ABHD17C: variants seen among roughly 807,000 people sequenced by gnomAD.
ABHD17C encodes alpha/beta hydrolase domain-containing protein 17C.
A neutral mutation model predicts 27.9 loss-of-function variants in ABHD17C; 11 were observed. That is an observed-to-expected ratio of 0.39 (90% CI 0.25 to 0.65). The LOEUF is 0.65. Ranked by LOEUF, ABHD17C falls within the 30% of genes least tolerant of loss-of-function variation. The probability of loss-of-function intolerance (pLI) is 0.45; values close to 1 mark genes in which losing one functional copy is unlikely to be tolerated. For missense variants in ABHD17C, 280 were observed against 470.2 expected (o/e 0.60, Z 3.74); for synonymous variants, 233 against 209.1 (o/e 1.11, Z -0.98).
chr15:80,746,435 G>T (rs1375247314), intron 1 of ABHD17C, among the ~76,000 whole-genome samples: 1 of 151,388 alleles, frequency 6.6e-6, no homozygotes, highest in Non-Finnish European at 1.5e-5. Flanking sequence ...AATACTTTCT[G>T]TCTTTTTTTT....
intron 1 of ABHD17C, among the ~76,000 whole-genome samples, chr15:80,700,045 T>C (rs1894550177): frequency 1.3e-5 from 2 of 152,224 alleles, no homozygotes; most frequent in Admixed American, 6.5e-5. Context: ...TATTGGAGTG[T>C]ATTGTTGTCA....
At chr15:80,725,568 A>C (rs1401866350) in intron 1 of ABHD17C, among the ~76,000 whole-genome samples, 1 of 152,180 alleles carries the variant, frequency 6.6e-6, no homozygotes, top group East Asian at 1.9e-4. Flanking sequence ...GATGGAGTTC[A>C]GTAGCATGAT....
intron 1 of ABHD17C, among the ~76,000 whole-genome samples, chr15:80,723,138 A>ATATGTGTGTGTGTGTG (rs58011508): frequency 5.6e-5 from 7 of 124,936 alleles, no homozygotes; most frequent in Admixed American, 3.7e-4. Context: ...GTGTGTATAT[A>ATATGTGTGTGTGTGTG]TGTGTGTGTG....
At chr15:80,719,021 C>G (rs995017515) in intron 1 of ABHD17C, among the ~76,000 whole-genome samples, 1 of 152,090 alleles carries the variant, frequency 6.6e-6, no homozygotes, top group Admixed American at 6.5e-5. Flanking sequence ...TTGATAAGTA[C>G]AGTAAGATGT....
At chr15:80,749,956 C>G (rs1895343626) in intron 2 of ABHD17C, among the ~76,000 whole-genome samples, 1 of 152,094 alleles carries the variant, frequency 6.6e-6, no homozygotes, top group Non-Finnish European at 1.5e-5. Context: ...TGATTGAGCT[C>G]TAATATACAG....
At chr15:80,747,783 G>A (rs56179571) in intron 1 of ABHD17C, among the ~76,000 whole-genome samples, 29,807 of 152,008 alleles carry the variant, frequency 0.2, 3,932 homozygotes, top group African/African-American at 0.38. Flanking sequence ...AATGGAGGAC[G>A]GATGCTGTTT....
intron 1 of ABHD17C, among the ~76,000 whole-genome samples, chr15:80,711,650 A>G (rs1421907334): frequency 6.6e-6 from 1 of 152,198 alleles, no homozygotes; most frequent in Non-Finnish European, 1.5e-5. Flanking sequence ...GGTGAAGATT[A>G]CAGTTTTAAT....
intron 1 of ABHD17C, among the ~76,000 whole-genome samples, chr15:80,702,348 A>C (rs1894584568): frequency 6.6e-6 from 1 of 152,152 alleles, no homozygotes. Flanking sequence ...AAAATAAATT[A>C]GCTGGGCATG....
chr15:80,708,569 A>T (rs1395274529), intron 1 of ABHD17C, among the ~76,000 whole-genome samples: 1 of 152,140 alleles, frequency 6.6e-6, no homozygotes, highest in Admixed American at 6.6e-5. Flanking sequence ...CTCCCGCCTC[A>T]GCCTCCGAAA....
chr15:80,716,331 C>T (rs967735372), intron 1 of ABHD17C, among the ~76,000 whole-genome samples: 1 of 152,200 alleles, frequency 6.6e-6, no homozygotes. Flanking sequence ...ATTCCACAGA[C>T]TAAGCTCCGA....
chr15:80,696,875 G>C (rs920860290), intron 1 of ABHD17C, among the ~76,000 whole-genome samples: 1 of 152,160 alleles, frequency 6.6e-6, no homozygotes, highest in African/African-American at 2.4e-5. Context: ...GTGCAGGTCA[G>C]GTTACCTGTT....
At position 80,710,884 on chromosome 15, in the gene ABHD17C, T is replaced by A. The variant is rs115264019; in HGVS notation, c.590+14865T>A. Among the ~76,000 whole-genome samples, 814 of 152,124 alleles carry A rather than the reference T, an allele frequency of 5.4e-3. 9 individuals carry two copies. Among genetic ancestry groups the A allele is most frequent in the African/African-American group, 0.019 (779 of 41,508 alleles). Reference sequence around the variant, plus strand: ...GAGCCACCGTGCCCAGCAGAATTGCTGTTGATTGAGATGGGGAGGGCTGTG... The same window carrying A: ...GAGCCACCGTGCCCAGCAGAATTGCAGTTGATTGAGATGGGGAGGGCTGTG... On this transcript the variant is annotated intron_variant, in intron 1 of 2. Transcript: ENST00000258884.
At chr15:80,700,400 C>T (rs896603656) in intron 1 of ABHD17C, among the ~76,000 whole-genome samples, 1 of 152,040 alleles carries the variant, frequency 6.6e-6, no homozygotes, top group Non-Finnish European at 1.5e-5. Context: ...CCACAGAAGT[C>T]GTCTTTGATG....
intron 1 of ABHD17C, among the ~76,000 whole-genome samples, chr15:80,724,409 A>G (rs1448161443): frequency 6.6e-5 from 10 of 152,152 alleles, no homozygotes. Context: ...CTTCTTTTCC[A>G]TCAAAGCAGA....
chr15:80,717,383 T>C (rs1313361561), intron 1 of ABHD17C, among the ~76,000 whole-genome samples: 1 of 151,842 alleles, frequency 6.6e-6, no homozygotes, highest in Non-Finnish European at 1.5e-5. Context: ...CCACTCGTTA[T>C]AAAATTACAA....
chr15:80,696,095 G>A, intron 1 of ABHD17C, 76 bp downstream of exon 1: 1 of 1,415,150 alleles, frequency 7.1e-7, no homozygotes, highest in East Asian at 2.5e-5. Context: ...GGCCCCTGGG[G>A]CGGCCTGCCA....
chr15:80,722,853 A>C (rs1228070580), intron 1 of ABHD17C, among the ~76,000 whole-genome samples: 1 of 152,228 alleles, frequency 6.6e-6, no homozygotes, highest in Non-Finnish European at 1.5e-5. Flanking sequence ...TGTAGCATAA[A>C]GTTCTGCAGG....
intron 1 of ABHD17C, among the ~76,000 whole-genome samples, chr15:80,739,994 C>A (rs1382154914): frequency 6.6e-6 from 1 of 152,182 alleles, no homozygotes; most frequent in Non-Finnish European, 1.5e-5. Flanking sequence ...CGTCTGACTT[C>A]CTAATCCCTA....
rs1474167137 is a variant in ABHD17C at position 80,713,965 on chromosome 15, C to A, written c.590+17946C>A. ...ATATATTTATTTATTTATTATTTTT[C>A]TTTTCTGAGACATGGTCTTGCTCTG... On this transcript the variant is annotated intron_variant, in intron 1 of 2. Coordinates refer to ENST00000258884, the MANE Select transcript of ABHD17C (RefSeq NM_021214.2). 2.7e-5 allele frequency among the ~76,000 whole-genome samples: 4 copies of A among 147,936 alleles called. No individual in the cohort carries two copies. In the Admixed American group the frequency reaches 2.7e-4, roughly 10 times the overall value.
Sources: allele counts gnomAD v4.1 joint callset (sites outside exome capture counted in the v4.1 genomes callset), GRCh38; gene constraint gnomAD v4.1.1; transcripts MANE v1.5; gene names NCBI Gene and HGNC (gene_info 2026-07-23, HGNC 2026-07-21).